The following UGT1A7 variants were observed in gnomAD, a reference collection of about 807,000 sequenced individuals.
UGT1A7 encodes the protein UDP glucuronosyltransferase family 1 member A7.
A neutral mutation model predicts 45.6 loss-of-function variants in UGT1A7; 33 were observed. The ratio of observed to expected loss-of-function variants is 0.72; its 90% CI spans 0.55 to 0.97. The LOEUF (loss-of-function observed/expected upper bound fraction) is 0.97, where lower values mean the gene tolerates loss of function less well. Ranked by LOEUF, UGT1A7 falls within the 50% of genes least tolerant of loss-of-function variation. The pLI is 0.00. For synonymous variants in UGT1A7, 274 were observed against 250.6 expected, an observed-to-expected ratio of 1.09 and a Z score of -0.88; for missense variants, 684 against 666.2, an observed-to-expected ratio of 1.03 and a Z score of -0.29.
At chr2:233,713,624 C>G in intron 1 of UGT1A7, 1 of 1,613,964 alleles carries the variant, frequency 6.2e-7, no homozygotes, top group Non-Finnish European at 8.5e-7. Context: ...TGCAAAGGGT[C>G]AAGAACATGC....
At chr2:233,755,244 C>T (rs952358626) in intron 1 of UGT1A7, 19 of 852,102 alleles carry the variant, frequency 2.2e-5, no homozygotes, top group African/African-American at 5.1e-5. Flanking sequence ...CCGGGGTACT[C>T]CCAGCACCTC....
chr2:233,690,015 A>G (rs950234716), intron 1 of UGT1A7: 1 of 440,784 alleles, frequency 2.3e-6, no homozygotes, highest in Non-Finnish European at 4.5e-6. Context: ...ACCATTTTGG[A>G]CCTTCCTCAA....
intron 1 of UGT1A7, among the ~76,000 whole-genome samples, chr2:233,716,742 A>T (rs2076523181): frequency 6.6e-6 from 1 of 152,156 alleles, no homozygotes; most frequent in Non-Finnish European, 1.5e-5. Context: ...GCTCTGTGAG[A>T]TTGGGAGAGG....
At chr2:233,716,743 T>C (rs576356659) in intron 1 of UGT1A7, among the ~76,000 whole-genome samples, 2 of 152,306 alleles carry the variant, frequency 1.3e-5, no homozygotes, top group East Asian at 1.9e-4. Context: ...CTCTGTGAGA[T>C]TGGGAGAGGG....
chr2:233,693,082 T>G, intron 1 of UGT1A7: 1 of 1,614,190 alleles, frequency 6.2e-7, no homozygotes, highest in Non-Finnish European at 8.5e-7. Flanking sequence ...TGGTTGTAGG[T>G]GACAAGCTGC....
At chr2:233,767,806 A>G in intron 2 of UGT1A7, 43 bp from the exon 3 acceptor site, 1 of 1,614,116 alleles carries the variant, frequency 6.2e-7, no homozygotes, top group Non-Finnish European at 8.5e-7. Flanking sequence ...TTCTAATCAT[A>G]TTATGTTCTT....
intron 1 of UGT1A7, among the ~76,000 whole-genome samples, chr2:233,756,565 C>T (rs1696262040): frequency 6.6e-6 from 1 of 152,126 alleles, no homozygotes; most frequent in East Asian, 1.9e-4. Context: ...GAGATCCTCT[C>T]AGACAAAAGG....
At chr2:233,759,816 G>A (rs540177588) in intron 1 of UGT1A7, among the ~76,000 whole-genome samples, 1 of 152,166 alleles carries the variant, frequency 6.6e-6, no homozygotes, top group Non-Finnish European at 1.5e-5. Flanking sequence ...AGGCAGTACC[G>A]GGGGAGCTGT....
chr2:233,747,871 T>C (rs12466997), intron 1 of UGT1A7: 130,796 of 1,613,384 alleles, frequency 0.081, 8,579 homozygotes, highest in African/African-American at 0.27. Context: ...CCTCTGGCCC[T>C]GTCCTACCTT....
Position 233,724,489 on chromosome 2 carries a change from G to A in UGT1A7, c.855+41697G>A, listed in dbSNP as rs571092299. Among the ~76,000 whole-genome samples the A allele has an allele frequency of 7.6e-3, 558 of 73,198 alleles. 28 individuals carry two copies. The highest frequency in any genetic ancestry group is 0.012 in the Non-Finnish European group (429 of 34,572). 48.0% of individuals were successfully genotyped at this position (73,198 alleles called of 152,430 possible). A position where few individuals can be genotyped will look rare whatever the true frequency, so the allele number is the denominator to read the frequency against. ...GGGCTCCTCACTTCTCAGACGGGGC[G>A]GCCGGGCAGAGACGCTCCTCACCTC... On this transcript the variant is annotated intron_variant, in intron 1 of 4. Coordinates refer to ENST00000373426, the MANE Select transcript of UGT1A7 (RefSeq NM_019077.3).
chr2:233,733,979 A>G (rs1225459712), intron 1 of UGT1A7, among the ~76,000 whole-genome samples: 1 of 152,060 alleles, frequency 6.6e-6, no homozygotes, highest in African/African-American at 2.4e-5. Flanking sequence ...GCGGGGAGGG[A>G]TAGCATTAGG....
chr2:233,726,566 C>T (rs772348074), intron 1 of UGT1A7, among the ~76,000 whole-genome samples: 3 of 152,296 alleles, frequency 2.0e-5, no homozygotes, highest in South Asian at 2.1e-4. Flanking sequence ...CCCACTCTTA[C>T]GCCTGTCTCC....
intron 1 of UGT1A7, among the ~76,000 whole-genome samples, chr2:233,714,749 T>G (rs1318708109): frequency 6.6e-6 from 1 of 152,248 alleles, no homozygotes. Flanking sequence ...AGCATATATT[T>G]GACACTTACA....
intron 1 of UGT1A7, among the ~76,000 whole-genome samples, chr2:233,710,901 G>C (rs2076153104): frequency 6.6e-6 from 1 of 152,218 alleles, no homozygotes; most frequent in African/African-American, 2.4e-5. Flanking sequence ...GGTTTGGGTG[G>C]AAAGAGGTCT....
intron 1 of UGT1A7, among the ~76,000 whole-genome samples, chr2:233,735,334 C>G (rs2078639542): frequency 6.6e-6 from 1 of 152,026 alleles, no homozygotes; most frequent in South Asian, 2.1e-4. Flanking sequence ...ATTGCAACCC[C>G]TGCTTTTTTT....
At chr2:233,704,049 C>A (rs2075765509) in intron 1 of UGT1A7, among the ~76,000 whole-genome samples, 1 of 151,982 alleles carries the variant, frequency 6.6e-6, no homozygotes, top group African/African-American at 2.4e-5. Context: ...CACCAACATG[C>A]CTGGCTAATT....
intron 1 of UGT1A7, chr2:233,742,951 A>G (rs1692147451): frequency 4.7e-6 from 1 of 213,770 alleles, no homozygotes; most frequent in East Asian, 1.2e-4. Flanking sequence ...ACTAGCAAAT[A>G]ATCATTGTCT....
chr2:233,748,792 C>G (rs1168235446), intron 1 of UGT1A7, among the ~76,000 whole-genome samples: 1 of 151,266 alleles, frequency 6.6e-6, no homozygotes, highest in Non-Finnish European at 1.5e-5. Context: ...ACTTGGAATG[C>G]TGAAATTATC....
intron 1 of UGT1A7, chr2:233,713,141 C>G (rs3755322): frequency 0.098 from 158,591 of 1,614,032 alleles, 8,806 homozygotes; most frequent in South Asian, 0.2. Flanking sequence ...CCTTGCGGGA[C>G]CTCCATGCGA....
Sources: gnomAD v4.1 joint callset for allele counts (sites outside exome capture counted in the v4.1 genomes callset) on GRCh38, gnomAD v4.1.1 for gene constraint, MANE v1.5 for transcripts, NCBI Gene and HGNC (gene_info 2026-07-23, HGNC 2026-07-21) for gene names.